The following SPOCK1 variants were observed in gnomAD, a reference collection of about 807,000 sequenced individuals.
SPOCK1 encodes the protein SPARC (osteonectin), cwcv and kazal like domains proteoglycan 1.
A neutral mutation model predicts 55.3 loss-of-function variants in SPOCK1; 23 were observed. The ratio of observed to expected loss-of-function variants is 0.42; its 90% CI spans 0.30 to 0.59. SPOCK1 has a LOEUF of 0.59. SPOCK1 is among the 20% of genes least tolerant of loss of function. The pLI is 0.22. For missense variants in SPOCK1, 499 were observed against 552.5 expected, an observed-to-expected ratio of 0.90 and a Z score of 0.97; for synonymous variants, 226 against 221.0, an observed-to-expected ratio of 1.02 and a Z score of -0.20.
At chr5:137,292,923 G>A (rs1757401810) in intron 2 of SPOCK1, among the ~76,000 whole-genome samples, 1 of 152,094 alleles carries the variant, frequency 6.6e-6, no homozygotes, top group Admixed American at 6.5e-5. Context: ...GGAAAATCCT[G>A]ATTTGGAGTA....
At chr5:137,153,062 C>T (rs1361525638) in intron 3 of SPOCK1, among the ~76,000 whole-genome samples, 2 of 152,234 alleles carry the variant, frequency 1.3e-5, no homozygotes, top group Non-Finnish European at 2.9e-5. Context: ...TCACCCAACA[C>T]AGTGTCTGGA....
At chr5:137,493,645 G>C (rs1294532645) in intron 2 of SPOCK1, among the ~76,000 whole-genome samples, 2 of 152,144 alleles carry the variant, frequency 1.3e-5, no homozygotes, top group Non-Finnish European at 2.9e-5. Context: ...GCTAGTACAG[G>C]GGATTTAAGA....
intron 3 of SPOCK1, among the ~76,000 whole-genome samples, chr5:137,241,451 G>A (rs765773500): frequency 1.3e-5 from 2 of 152,176 alleles, no homozygotes; most frequent in East Asian, 3.9e-4. Flanking sequence ...GCCAAGGCTG[G>A]TTGGAAACAA....
chr5:137,262,938 C>A (rs1431975307), intron 3 of SPOCK1, among the ~76,000 whole-genome samples: 1 of 152,230 alleles, frequency 6.6e-6, no homozygotes, highest in Non-Finnish European at 1.5e-5. Flanking sequence ...TAATTCACTT[C>A]ATCTTCTCAG....
chr5:136,983,093 T>A (rs1013811139), intron 9 of SPOCK1, among the ~76,000 whole-genome samples: 1 of 152,228 alleles, frequency 6.6e-6, no homozygotes, highest in South Asian at 2.1e-4. Context: ...ACCTGGGTGG[T>A]AACACCATCT....
intron 2 of SPOCK1, among the ~76,000 whole-genome samples, chr5:137,470,824 G>A (rs1171027714): frequency 2.0e-5 from 3 of 152,152 alleles, no homozygotes; most frequent in Non-Finnish European, 4.4e-5. Flanking sequence ...GGAGGATGCT[G>A]CCCAGTGTCT....
intron 2 of SPOCK1, among the ~76,000 whole-genome samples, chr5:137,385,693 C>T (rs925148435): frequency 6.6e-6 from 1 of 152,210 alleles, no homozygotes; most frequent in Admixed American, 6.5e-5. Context: ...CACAACTTTA[C>T]CTCCTCCACA....
chr5:137,408,983 G>A (rs993313632), intron 2 of SPOCK1, among the ~76,000 whole-genome samples: 2 of 152,098 alleles, frequency 1.3e-5, no homozygotes, highest in Admixed American at 6.5e-5. Context: ...GTTTCACGAA[G>A]GTCAGTCCCA....
chr5:137,229,718 G>T (rs1367188752), intron 3 of SPOCK1, among the ~76,000 whole-genome samples: 1 of 152,178 alleles, frequency 6.6e-6, no homozygotes, highest in Non-Finnish European at 1.5e-5. Context: ...CACAGACCAG[G>T]AGGTGGGGTT....
At chr5:137,112,621 T>G in intron 4 of SPOCK1, 60 bp from the exon 5 acceptor site, 1 of 1,567,848 alleles carries the variant, frequency 6.4e-7, no homozygotes, top group East Asian at 2.3e-5. Context: ...GAGTCTTTCC[T>G]CTAAGTTCCC....
rs577648787 is a variant in SPOCK1 at position 137,325,113 on chromosome 5, G to A, written c.187-58058C>T. On this transcript the variant is annotated intron_variant, in intron 2 of 10. Transcript: ENST00000394945. ...ACTAACAGCTCTGTCTTTCCGAGAG[G>A]AAAGGTTTTTGGGATGGGGGACAAC... Among the ~76,000 whole-genome samples the A allele has an allele frequency of 7.2e-5, 11 of 152,298 alleles. No homozygotes were observed. The South Asian group carries it at 2.1e-3, about 29-fold the overall frequency.
At chr5:137,153,614 G>A (rs1311771884) in intron 3 of SPOCK1, among the ~76,000 whole-genome samples, 1 of 152,110 alleles carries the variant, frequency 6.6e-6, no homozygotes, top group East Asian at 1.9e-4. Context: ...AGCACCTTGT[G>A]AGACTAAAGA....
chr5:137,147,061 G>A (rs1287942414), intron 3 of SPOCK1, among the ~76,000 whole-genome samples: 2 of 152,112 alleles, frequency 1.3e-5, no homozygotes, highest in African/African-American at 4.8e-5. Flanking sequence ...AAAGATAAAA[G>A]CATCTTCTCT....
At chr5:137,029,666 C>T (rs1257282703) in intron 6 of SPOCK1, among the ~76,000 whole-genome samples, 1 of 152,130 alleles carries the variant, frequency 6.6e-6, no homozygotes, top group Non-Finnish European at 1.5e-5. Context: ...ATGGCAAAAG[C>T]CAAGAGGAAA....
intron 5 of SPOCK1, among the ~76,000 whole-genome samples, chr5:137,069,871 C>T (rs961379274): frequency 6.6e-6 from 1 of 152,188 alleles, no homozygotes; most frequent in Non-Finnish European, 1.5e-5. Context: ...CTTTGTTTAT[C>T]ATAAAGCCTT....
At chr5:137,091,677 T>G (rs1422618258) in intron 5 of SPOCK1, among the ~76,000 whole-genome samples, 1 of 152,138 alleles carries the variant, frequency 6.6e-6, no homozygotes, top group Admixed American at 6.5e-5. Context: ...AGACTGGCCC[T>G]CCCCTTCAAA....
intron 9 of SPOCK1, among the ~76,000 whole-genome samples, chr5:136,984,705 C>T (rs190645769): frequency 1.3e-5 from 2 of 152,190 alleles, no homozygotes; most frequent in African/African-American, 4.8e-5. Context: ...GTCGTTCAAC[C>T]CTGTTTGATA....
chr5:137,063,339 C>T (rs1752433075), intron 6 of SPOCK1, among the ~76,000 whole-genome samples: 1 of 151,064 alleles, frequency 6.6e-6, no homozygotes, highest in Admixed American at 6.6e-5. Context: ...AGGGGACATG[C>T]CAAAGGAGAG....
At position 136,976,991 on chromosome 5, in the gene SPOCK1, G is replaced by A. The variant is rs1488416345; in HGVS notation, c.*1663C>T. ...GAACATATTTCTTGCTTGAGTTTAT[G>A]TGGCTTTTGTGTGGACAGGCTGAAG... On this transcript the variant is annotated 3_prime_UTR_variant, in exon 11 of 11. Transcript: ENST00000394945. The A allele has an allele frequency of 1.3e-5, 2 of 152,274 alleles. No individual in the cohort carries two copies. Among genetic ancestry groups the A allele is most frequent in the Admixed American group, 1.3e-4 (2 of 15,286 alleles). 9.4% of individuals were successfully genotyped at this position (152,274 alleles called of 1,614,324 possible).
Sources: gnomAD v4.1 joint callset for allele counts (sites outside exome capture counted in the v4.1 genomes callset) on GRCh38, gnomAD v4.1.1 for gene constraint, MANE v1.5 for transcripts, NCBI Gene and HGNC (gene_info 2026-07-23, HGNC 2026-07-21) for gene names.